The following ARHGAP20 variants were observed in gnomAD, a reference collection of about 807,000 sequenced individuals.
The protein encoded by ARHGAP20 is Rho GTPase activating protein 20, also known as rho GTPase-activating protein 20.
ARHGAP20 carries 34 observed loss-of-function variants against 73.7 expected under a neutral mutation model. The observed-to-expected ratio is 0.46, with a 90% CI of 0.35 to 0.61. The LOEUF (loss-of-function observed/expected upper bound fraction) is 0.61. Among genes scored for constraint, ARHGAP20 ranks in the 20% least tolerant of loss-of-function variants. The pLI is 0.00. For missense variants in ARHGAP20, 1,314 were observed against 1,420.9 expected (o/e 0.92, Z 1.21); for synonymous variants, 523 against 518.2 (o/e 1.01, Z -0.13).
chr11:110,612,497 G>T (rs540837500), intron 6 of ARHGAP20, among the ~76,000 whole-genome samples: 1 of 151,520 alleles, frequency 6.6e-6, no homozygotes, highest in South Asian at 2.1e-4. Flanking sequence ...TATAGAGATC[G>T]CTGAATTCCA....
chr11:110,651,611 A>C (rs1053823409), intron 2 of ARHGAP20, among the ~76,000 whole-genome samples: 3 of 152,108 alleles, frequency 2.0e-5, no homozygotes, highest in Non-Finnish European at 4.4e-5. Flanking sequence ...TAAGCAAATA[A>C]ACTAGAAAAT....
intron 2 of ARHGAP20, among the ~76,000 whole-genome samples, chr11:110,675,903 A>AT (rs1949920646): frequency 6.6e-6 from 1 of 152,146 alleles, no homozygotes; most frequent in East Asian, 1.9e-4. Context: ...ACTTCTGACA[A>AT]ATTTTTTTTC....
chr11:110,633,344 G>C (rs1591330840), intron 2 of ARHGAP20, among the ~76,000 whole-genome samples: 2 of 152,094 alleles, frequency 1.3e-5, no homozygotes, highest in South Asian at 4.1e-4. Flanking sequence ...ATAAAGCATA[G>C]GTCTATTTCC....
intron 1 of ARHGAP20, 38 bp downstream of exon 1, chr11:110,712,089 G>A (rs1397874665): frequency 1.0e-5 from 13 of 1,266,928 alleles, no homozygotes; most frequent in African/African-American, 1.6e-5. Flanking sequence ...TGGGGGCTGC[G>A]GCGGCGGAGG....
chr11:110,670,650 A>G (rs150347765), intron 2 of ARHGAP20, among the ~76,000 whole-genome samples: 19 of 152,240 alleles, frequency 1.2e-4, no homozygotes, highest in African/African-American at 4.3e-4. Flanking sequence ...AGAAATAATG[A>G]CATTCCTTCA....
chr11:110,602,594 C>T (rs1948136644), intron 9 of ARHGAP20, among the ~76,000 whole-genome samples: 1 of 152,052 alleles, frequency 6.6e-6, no homozygotes, highest in Non-Finnish European at 1.5e-5. Context: ...AACCATTTAC[C>T]AATGGTGAAC....
At chr11:110,658,836 T>C (rs1211831846) in intron 2 of ARHGAP20, among the ~76,000 whole-genome samples, 2 of 152,080 alleles carry the variant, frequency 1.3e-5, no homozygotes, top group Non-Finnish European at 2.9e-5. Flanking sequence ...TCCAGACACT[T>C]AGGAATCCTA....
intron 2 of ARHGAP20, among the ~76,000 whole-genome samples, chr11:110,686,557 T>C (rs1294954115): frequency 6.6e-6 from 1 of 152,152 alleles, no homozygotes; most frequent in African/African-American, 2.4e-5. Flanking sequence ...TCTTATCTTG[T>C]ATTCCTTTTT....
intron 1 of ARHGAP20, among the ~76,000 whole-genome samples, chr11:110,700,905 C>T (rs1204209975): frequency 6.6e-6 from 1 of 151,632 alleles, no homozygotes; most frequent in South Asian, 2.1e-4. Flanking sequence ...CATGTCCCTA[C>T]AAAGGACATG....
chr11:110,624,463 T>C (rs1948693646), intron 3 of ARHGAP20, 152 bp from the exon 4 acceptor site: 2 of 607,648 alleles, frequency 3.3e-6, no homozygotes, highest in East Asian at 6.2e-5. Context: ...GAGCTGAACA[T>C]TGAGAACACA....
chr11:110,631,373 T>A (rs919481397), intron 2 of ARHGAP20, among the ~76,000 whole-genome samples: 1 of 152,190 alleles, frequency 6.6e-6, no homozygotes, highest in African/African-American at 2.4e-5. Flanking sequence ...CCAAATATAG[T>A]CTCTATGGAT....
chr11:110,631,767 G>A (rs1019728355), intron 2 of ARHGAP20, among the ~76,000 whole-genome samples: 8 of 152,154 alleles, frequency 5.3e-5, no homozygotes, highest in African/African-American at 1.9e-4. Flanking sequence ...CATACTGTGA[G>A]GGATTTACTC....
At chr11:110,656,969 G>T (rs1949481156) in intron 2 of ARHGAP20, among the ~76,000 whole-genome samples, 1 of 152,098 alleles carries the variant, frequency 6.6e-6, no homozygotes, top group Admixed American at 6.5e-5. Context: ...TCTTCCAAAG[G>T]TAAAACAGTT....
chr11:110,669,037 A>C (rs1949778505), intron 2 of ARHGAP20, among the ~76,000 whole-genome samples: 1 of 152,186 alleles, frequency 6.6e-6, no homozygotes, highest in African/African-American at 2.4e-5. Context: ...AAAACATAGA[A>C]GGAAATTTTG....
At chr11:110,618,553 T>TA (rs1948537596) in intron 4 of ARHGAP20, among the ~76,000 whole-genome samples, 1 of 152,172 alleles carries the variant, frequency 6.6e-6, no homozygotes, top group Non-Finnish European at 1.5e-5. Context: ...TATGTAGTGA[T>TA]AGAGTATATG....
intron 2 of ARHGAP20, among the ~76,000 whole-genome samples, chr11:110,657,613 G>A (rs1949494644): frequency 6.6e-6 from 1 of 151,986 alleles, no homozygotes. Context: ...TCTAGGGCTG[G>A]CTGTGCACAG....
intron 3 of ARHGAP20, 124 bp from the exon 4 acceptor site, chr11:110,624,435 T>C: frequency 2.8e-6 from 2 of 710,282 alleles, no homozygotes; most frequent in Non-Finnish European, 4.4e-6. Context: ...TACTGCATGT[T>C]CTCACTCATA....
At chr11:110,635,255 C>G (rs535295885) in intron 2 of ARHGAP20, among the ~76,000 whole-genome samples, 145 of 152,216 alleles carry the variant, frequency 9.5e-4, no homozygotes, top group Non-Finnish European at 1.9e-3. Context: ...GACTCCTGAT[C>G]AGCATCATCA....
chr11:110,674,730 A>AAT (rs1489470345), intron 2 of ARHGAP20, among the ~76,000 whole-genome samples: 1 of 152,080 alleles, frequency 6.6e-6, no homozygotes, highest in Non-Finnish European at 1.5e-5. Flanking sequence ...CTCAACCCTT[A>AAT]TTATCAATAC....
Sources: gnomAD v4.1 joint callset for allele counts (sites outside exome capture counted in the v4.1 genomes callset) on GRCh38, gnomAD v4.1.1 for gene constraint, MANE v1.5 for transcripts, NCBI Gene and HGNC (gene_info 2026-07-23, HGNC 2026-07-21) for gene names.